SLC16A7: variants seen among roughly 807,000 people sequenced by gnomAD.
SLC16A7 encodes the protein monocarboxylate transporter 2.
Under a neutral mutation model 34.9 loss-of-function variants are expected in SLC16A7, and 33 were observed. The observed-to-expected ratio is 0.94, with a 90% CI of 0.72 to 1.26. The LOEUF (loss-of-function observed/expected upper bound fraction) is 1.26. Ranked by LOEUF, SLC16A7 falls within the 50% of genes most tolerant of loss-of-function variation. The pLI is 0.00. For missense variants in SLC16A7, 573 were observed against 578.1 expected, an observed-to-expected ratio of 0.99 and a Z score of 0.09; for synonymous variants, 201 against 206.6, an observed-to-expected ratio of 0.97 and a Z score of 0.23.
chr12:59,773,667 C>T (rs994950498), intron 4 of SLC16A7, among the ~76,000 whole-genome samples: 6 of 151,808 alleles, frequency 4.0e-5, no homozygotes, highest in Non-Finnish European at 8.8e-5. Context: ...TCAGTCCAAG[C>T]GATTCTCTTG....
chr12:59,656,378 TC>T (rs1868535751), intron 2 of SLC16A7, among the ~76,000 whole-genome samples: 1 of 151,914 alleles, frequency 6.6e-6, no homozygotes, highest in South Asian at 2.1e-4. Context: ...ATCACTAGGA[TC>T]CTTATAAATG....
At chr12:59,647,885 CA>C (rs372091660) in intron 1 of SLC16A7, among the ~76,000 whole-genome samples, 6,078 of 146,156 alleles carry the variant, frequency 0.042, 135 homozygotes, top group African/African-American at 0.049. Flanking sequence ...ATGGTCACTA[CA>C]AAAAAAAAAT....
chr12:59,677,113 A>T (rs1403018289), intron 2 of SLC16A7, among the ~76,000 whole-genome samples: 1 of 152,002 alleles, frequency 6.6e-6, no homozygotes. Flanking sequence ...AATTTTTGAT[A>T]CTTTGAATTT....
At chr12:59,750,882 A>G (rs1010226536) in intron 3 of SLC16A7, among the ~76,000 whole-genome samples, 4 of 152,126 alleles carry the variant, frequency 2.6e-5, no homozygotes, top group African/African-American at 9.7e-5. Flanking sequence ...ATGTAGCCAT[A>G]AAAAAAGGAT....
At chr12:59,681,648 G>C (rs1592487667) in intron 2 of SLC16A7, among the ~76,000 whole-genome samples, 1 of 152,168 alleles carries the variant, frequency 6.6e-6, no homozygotes, top group African/African-American at 2.4e-5. Flanking sequence ...ACGGAATGAA[G>C]AGTAGTTCTC....
chr12:59,755,439 C>A (rs190741528), intron 3 of SLC16A7, among the ~76,000 whole-genome samples: 1 of 152,174 alleles, frequency 6.6e-6, no homozygotes, highest in African/African-American at 2.4e-5. Context: ...ACAAAAATCA[C>A]AAGCATTCTT....
intron 3 of SLC16A7, among the ~76,000 whole-genome samples, chr12:59,767,737 A>T (rs1378155170): frequency 6.6e-6 from 1 of 152,116 alleles, no homozygotes; most frequent in Non-Finnish European, 1.5e-5. Flanking sequence ...ATAGAGATGT[A>T]CAAGGAGGTT....
chr12:59,775,078 T>C lies in SLC16A7; in HGVS notation c.783T>C (p.Phe261=). ...GAAATGTCATTATGTTCCTAGGTTT[T>C]TTTGCCCCCATTATATTCTTGGCTC... ...LSGNVIMFLG[F]FAPIIFLAPY... is the part of the protein sequence containing the mutation. The change falls in exon 5 of 6, where the codon TTT becomes TTC. Residue 261 remains phenylalanine, a synonymous_variant. Transcript: ENST00000547379. 1 of 1,614,174 alleles carries C rather than the reference T, an allele frequency of 6.2e-7. No homozygotes were observed.
In SLC16A7 at chr12:59,789,352, CTGTT is replaced by C. The variant is rs1195112566; in HGVS notation, c.*9675_*9678del. 1 of 152,052 alleles carries C rather than the reference CTGTT, an allele frequency of 6.6e-6. No homozygotes were observed. Among genetic ancestry groups the C allele is most frequent in the African/African-American group, 2.4e-5 (1 of 41,422 alleles). The allele number at this position is 152,052 out of a possible 1,614,324, so 9.4% of individuals were successfully genotyped here. On this transcript the variant is annotated 3_prime_UTR_variant, in exon 6 of 6. Coordinates refer to ENST00000547379, the MANE Select transcript of SLC16A7 (RefSeq NM_001270623.2). ...ATTTTCTTTATTTAAAATTGAAACT[CTGTT>C]TTGAATCCTTTTTATTTTGTCAAAC...
At chr12:59,742,503 C>A (rs1008923252) in intron 3 of SLC16A7, among the ~76,000 whole-genome samples, 2 of 152,118 alleles carry the variant, frequency 1.3e-5, no homozygotes, top group African/African-American at 4.8e-5. Context: ...AAATGTCAAC[C>A]TAGGAGGAAA....
At position 59,624,352 on chromosome 12, in the gene SLC16A7, T is replaced by C. The variant is rs12146796; in HGVS notation, c.-130+28116T>C. Among the ~76,000 whole-genome samples, 809 of 151,884 alleles carry C rather than the reference T, an allele frequency of 5.3e-3. 1 individual carries two copies. Among genetic ancestry groups the C allele is most frequent in the Middle Eastern group, 0.01 (3 of 294 alleles). On this transcript the variant is annotated intron_variant, in intron 1 of 5. Transcript: ENST00000547379. ...AAAATAGTTCTCATACAATTCTTCATGTTCTCTAATTTATGTCTTCTTTTT... is the reference window on the plus strand; with the variant it reads ...AAAATAGTTCTCATACAATTCTTCACGTTCTCTAATTTATGTCTTCTTTTT...
Position 59,784,590 on chromosome 12 carries a change from AT to A in SLC16A7, c.*4913del, listed in dbSNP as rs1287033172. 1 of 152,080 alleles carries A rather than the reference AT, an allele frequency of 6.6e-6. No homozygotes were observed. The highest frequency in any genetic ancestry group is 1.5e-5 in the Non-Finnish European group (1 of 68,002). 9.4% of individuals were successfully genotyped at this position (152,080 alleles called of 1,614,324 possible). ...AGTTTCTCTGAACATCTTTGTTGTC[AT>A]TCACCTCTTTGTCTATTTGTTCTGT... is the stretch of plus-strand genomic sequence containing the variant. On this transcript the variant is annotated 3_prime_UTR_variant, in exon 6 of 6. Transcript: ENST00000547379.
chr12:59,720,778 A>G (rs1189579073), intron 3 of SLC16A7, among the ~76,000 whole-genome samples: 4 of 152,050 alleles, frequency 2.6e-5, no homozygotes, highest in Non-Finnish European at 4.4e-5. Flanking sequence ...ATTGTTTTCT[A>G]GTACTGCAAC....
In SLC16A7 at chr12:59,775,298, C is replaced by A; in HGVS notation, c.1003C>A (p.Gln335Lys). 1 of 1,614,152 alleles carries A rather than the reference C, an allele frequency of 6.2e-7. No individual in the cohort carries two copies. Among genetic ancestry groups the A allele is most frequent in the African/African-American group, 1.3e-5 (1 of 75,042 alleles). ...GVCHLLCPLAQDYTSLVLYAV... is the reference protein window; with the variant it reads ...GVCHLLCPLAKDYTSLVLYAV... Reference sequence around the variant, plus strand: ...GTGTCACCTCTTGTGCCCACTGGCACAGGACTACACAAGCCTGGTATTATA... The same window carrying A: ...GTGTCACCTCTTGTGCCCACTGGCAAAGGACTACACAAGCCTGGTATTATA... Residue 335 changes from glutamine to lysine, a missense_variant, in exon 5 of 6, where the codon CAG (glutamine) becomes AAG (lysine). Physicochemically the swap from Gln to Lys is moderately conservative, Grantham distance 53. Coordinates refer to ENST00000547379, the MANE Select transcript of SLC16A7 (RefSeq NM_001270623.2).
At position 59,779,974 on chromosome 12, in the gene SLC16A7, G is replaced by GTCT. The variant is rs1883123540; in HGVS notation, c.*297_*299dup. 4.1e-6 allele frequency: 1 copy of GTCT among 245,546 alleles called. No individual in the cohort carries two copies. The allele number at this position is 245,546 out of a possible 1,614,324, so 15.2% of individuals were successfully genotyped here. On this transcript the variant is annotated 3_prime_UTR_variant, in exon 6 of 6. Transcript: ENST00000547379. The stretch of plus-strand genomic sequence containing the variant: ...TTTTAAAGTCTTCCAGTGACTTTCG[G>GTCT]TCTTGGTTATATGGAGAATTCTGAA...
At chr12:59,773,274 A>T (rs1222819801) in intron 4 of SLC16A7, among the ~76,000 whole-genome samples, 2 of 152,126 alleles carry the variant, frequency 1.3e-5, no homozygotes, top group Non-Finnish European at 2.9e-5. Context: ...AGCGTTAGAG[A>T]ACATGCTGTC....
chr12:59,613,724 C>A (rs561110457), intron 1 of SLC16A7, among the ~76,000 whole-genome samples: 3 of 152,136 alleles, frequency 2.0e-5, no homozygotes, highest in Non-Finnish European at 4.4e-5. Flanking sequence ...TGAAATACTT[C>A]ATTGTTAATT....
At chr12:59,734,248 C>T (rs191018826) in intron 3 of SLC16A7, 1 of 174,974 alleles carries the variant, frequency 5.7e-6, no homozygotes, top group South Asian at 1.3e-4. Flanking sequence ...AGCCTCCCTC[C>T]CAGAGCTCAT....
Position 59,695,090 on chromosome 12 carries a change from AT to A in SLC16A7, c.-30-9673del, listed in dbSNP as rs999364325. On this transcript the variant is annotated intron_variant, in intron 2 of 5. Coordinates refer to ENST00000547379, the MANE Select transcript of SLC16A7 (RefSeq NM_001270623.2). ...AAGCTGGCCTGTATAAATTATATTA[AT>A]TTTTTTTTCTATTTTCTTGGAGGGC... Among the ~76,000 whole-genome samples, 3 of 150,974 alleles carry A rather than the reference AT, an allele frequency of 2.0e-5. No homozygotes were observed. The East Asian group carries it at 5.9e-4, about 29-fold the overall frequency.
Sources: gnomAD v4.1 joint callset for allele counts (sites outside exome capture counted in the v4.1 genomes callset) on GRCh38, gnomAD v4.1.1 for gene constraint, MANE v1.5 for transcripts, NCBI Gene and HGNC (gene_info 2026-07-23, HGNC 2026-07-21) for gene names.